Variants in CEP76 observed in about 807,000 individuals in gnomAD.
CEP76 encodes the protein centrosomal protein 76.
Under a neutral mutation model 83.3 loss-of-function variants are expected in CEP76, and 55 were observed. That is an observed-to-expected ratio of 0.66 (90% CI 0.53 to 0.83). The LOEUF (loss-of-function observed/expected upper bound fraction) is 0.83, where lower values mean the gene tolerates loss of function less well. Ranked by LOEUF, CEP76 falls within the 40% of genes least tolerant of loss-of-function variation. CEP76 has a pLI of 0.00. For missense variants in CEP76, 694 were observed against 799.5 expected, an observed-to-expected ratio of 0.87 and a Z score of 1.59; for synonymous variants, 270 against 274.5, an observed-to-expected ratio of 0.98 and a Z score of 0.16.
intron 7 of CEP76, among the ~76,000 whole-genome samples, chr18:12,687,391 T>A (rs2039577094): frequency 6.6e-6 from 1 of 152,120 alleles, no homozygotes; most frequent in Non-Finnish European, 1.5e-5. Flanking sequence ...AATTTTTATG[T>A]TGCAGAGCAA....
downstream of CEP76, among the ~76,000 whole-genome samples, chr18:12,671,731 T>C (rs151014562): frequency 8.1e-5 from 12 of 148,528 alleles, no homozygotes; most frequent in Non-Finnish European, 1.8e-4. Flanking sequence ...TCACCACCTC[T>C]GTGGACTCAA....
At chr18:12,681,996 T>TAA (rs1163314226) in intron 8 of CEP76, among the ~76,000 whole-genome samples, 1 of 136,208 alleles carries the variant, frequency 7.3e-6, no homozygotes, top group South Asian at 2.3e-4. Flanking sequence ...ACTCTGTCTC[T>TAA]AAAAAAAAAA....
chr18:12,697,821 A>G (rs577827412), intron 4 of CEP76, among the ~76,000 whole-genome samples: 1 of 152,176 alleles, frequency 6.6e-6, no homozygotes, highest in South Asian at 2.1e-4. Context: ...AAAATACAGC[A>G]CATCGAATCT....
chr18:12,682,465 A>G (rs1196406814), intron 8 of CEP76, among the ~76,000 whole-genome samples: 1 of 152,184 alleles, frequency 6.6e-6, no homozygotes, highest in African/African-American at 2.4e-5. Context: ...CTGGGACTAC[A>G]GGCATGAGCC....
chr18:12,700,895 AGTAGT>A, intron 2 of CEP76, 58 bp downstream of exon 2: 1 of 1,355,816 alleles, frequency 7.4e-7, no homozygotes, highest in South Asian at 1.3e-5. Context: ...GAACCTTATA[AGTAGT>A]GTTACGCATT....
chr18:12,699,549 T>C (rs138622349), intron 3 of CEP76, among the ~76,000 whole-genome samples: 10 of 152,306 alleles, frequency 6.6e-5, no homozygotes, highest in African/African-American at 2.4e-4. Context: ...AGCAAGTGTA[T>C]TTGTCAATTA....
intron 6 of CEP76, among the ~76,000 whole-genome samples, chr18:12,693,006 T>G (rs757263939): frequency 6.4e-4 from 97 of 152,128 alleles, no homozygotes; most frequent in African/African-American, 1.3e-3. Flanking sequence ...AAAATTTTTG[T>G]AGAGATGAAG....
rs768493942 is a variant in CEP76 at position 12,674,509 on chromosome 18, A to T, written c.1841+27T>A. The T allele has an allele frequency of 1.9e-6, 3 of 1,581,502 alleles. 1 individual carries two copies. In the South Asian group the frequency reaches 3.3e-5, roughly 18 times the overall value. Reference sequence around the variant, plus strand: ...TGATCTGTAAGACTCCTAAACTGAAAAAATGATTCCGTAAATTACACCTTA... The same window carrying T: ...TGATCTGTAAGACTCCTAAACTGAATAAATGATTCCGTAAATTACACCTTA... On this transcript the variant is annotated intron_variant, in intron 11 of 11. Coordinates refer to ENST00000262127, the MANE Select transcript of CEP76 (RefSeq NM_024899.4).
chr18:12,676,435 C>A (rs941410974), intron 10 of CEP76, among the ~76,000 whole-genome samples: 4 of 150,808 alleles, frequency 2.7e-5, no homozygotes, highest in Non-Finnish European at 5.9e-5. Flanking sequence ...CCACCACACC[C>A]GGCTAATTTT....
chr18:12,699,880 G>A lies in CEP76; in HGVS notation c.245C>T (p.Ser82Phe), dbSNP rs562451191. ...VTDSVEQELP[S>F]SPKQPICFDR... is the part of the protein sequence containing the mutation. Reference sequence around the variant, plus strand: ...AAAACAAATAGGTTGTTTTGGAGAGGAAGGGAGTTCTTGCTCAACACTGTC... The same window carrying A: ...AAAACAAATAGGTTGTTTTGGAGAGAAAGGGAGTTCTTGCTCAACACTGTC... Residue 82 changes from serine to phenylalanine, a missense_variant, in exon 3 of 12, where the codon TCC becomes TTC. Ser to Phe is a radical substitution (Grantham distance 155). Coordinates refer to ENST00000262127, the MANE Select transcript of CEP76 (RefSeq NM_024899.4). The A allele has an allele frequency of 4.0e-5, 64 of 1,597,648 alleles. No individual in the cohort carries two copies. In the South Asian group the frequency reaches 7.1e-4, roughly 18 times the overall value.
At chr18:12,672,577 G>A (rs1436034351), downstream of CEP76, 1 of 816,620 alleles carries the variant, frequency 1.2e-6, no homozygotes, top group East Asian at 1.2e-4. Flanking sequence ...GGTTTCAGAA[G>A]ATAGAATCCA....
chr18:12,701,358 G>C (rs927341897), intron 1 of CEP76, among the ~76,000 whole-genome samples: 1 of 152,192 alleles, frequency 6.6e-6, no homozygotes, highest in Admixed American at 6.5e-5. Context: ...AATCTTCTGA[G>C]AGGGAGTATA....
In CEP76 at chr18:12,702,565, TC is replaced by T; in HGVS notation, c.-18del. ...CAGCGACATGCTGGCAGCCGGCGTC[TC>T]CCCGCCGCTTCTCCCCGCCTCAGAT... On this transcript the variant is annotated 5_prime_UTR_variant, in exon 1 of 12. Transcript: ENST00000262127. 1 of 1,546,726 alleles carries T rather than the reference TC, an allele frequency of 6.5e-7. No individual in the cohort carries two copies.
At chr18:12,695,052 T>C (rs1291052379) in intron 6 of CEP76, among the ~76,000 whole-genome samples, 5 of 152,192 alleles carry the variant, frequency 3.3e-5, no homozygotes, top group African/African-American at 4.8e-5. Context: ...TTCATCGTAT[T>C]TCCTAAACTA....
chr18:12,702,423 C>T, intron 1 of CEP76, 63 bp downstream of exon 1: 1 of 1,323,554 alleles, frequency 7.6e-7, no homozygotes, highest in East Asian at 2.5e-5. Flanking sequence ...CCCGGGGCCG[C>T]CGGGCAGGAG....
chr18:12,682,302 G>A (rs1031429803), intron 8 of CEP76, among the ~76,000 whole-genome samples: 2 of 151,850 alleles, frequency 1.3e-5, no homozygotes, highest in South Asian at 2.1e-4. Flanking sequence ...TGATTCCCCC[G>A]CCTCAGCCTC....
Position 12,691,350 on chromosome 18 carries a change from T to C in CEP76, c.933+9A>G, listed in dbSNP as rs373091705. 4 of 1,536,770 alleles carry C rather than the reference T, an allele frequency of 2.6e-6. No homozygotes were observed. In the African/African-American group the frequency reaches 5.6e-5, roughly 21 times the overall value. On this transcript the variant is annotated intron_variant, in intron 7 of 11. Transcript: ENST00000262127. ...CAGGCATAAAATTATTCTAATATAA[T>C]TTACAAACCTGTGCAAAAATCTTAA...
At chr18:12,701,752 C>T (rs1201813297) in intron 1 of CEP76, among the ~76,000 whole-genome samples, 2 of 152,188 alleles carry the variant, frequency 1.3e-5, no homozygotes, top group Non-Finnish European at 2.9e-5. Context: ...CCTTTAGTAA[C>T]TTCTCTTCCA....
At chr18:12,670,767 C>G (rs1435794049), downstream of CEP76, 4 of 151,878 alleles carry the variant, frequency 2.6e-5, no homozygotes, top group East Asian at 7.7e-4. Context: ...CCCACCTCAG[C>G]CTCCCAAGCA....
Sources: gnomAD v4.1 joint callset for allele counts (sites outside exome capture counted in the v4.1 genomes callset) on GRCh38, gnomAD v4.1.1 for gene constraint, MANE v1.5 for transcripts, NCBI Gene and HGNC (gene_info 2026-07-23, HGNC 2026-07-21) for gene names.